The following MDGA2 variants were observed in gnomAD, a reference collection of about 807,000 sequenced individuals.
MDGA2 encodes MAM domain-containing glycosylphosphatidylinositol anchor protein 2.
MDGA2 carries 40 observed loss-of-function variants against 117.8 expected under a neutral mutation model. The observed-to-expected ratio is 0.34, with a 90% confidence interval of 0.26 to 0.44. The LOEUF is 0.44. Ranked by LOEUF, MDGA2 falls within the 20% of genes least tolerant of loss-of-function variation. The pLI, the probability that MDGA2 is intolerant of heterozygous loss-of-function variation, is 1.00. For missense variants in MDGA2, 1,123 were observed against 1,250.6 expected (o/e 0.90, Z 1.54); for synonymous variants, 452 against 439.0 (o/e 1.03, Z -0.37).
intron 8 of MDGA2, among the ~76,000 whole-genome samples, chr14:47,030,445 C>T (rs528434581): frequency 4.6e-5 from 7 of 151,750 alleles, no homozygotes; most frequent in South Asian, 2.1e-4. Flanking sequence ...ACCAGGGAGG[C>T]GGAAGTTGTG....
intron 15 of MDGA2, among the ~76,000 whole-genome samples, chr14:46,850,035 G>T (rs867928898): frequency 3.3e-5 from 5 of 151,978 alleles, no homozygotes; most frequent in African/African-American, 1.2e-4. Flanking sequence ...TAATTGAAAT[G>T]ACAAGTTTAA....
chr14:47,471,867 T>C (rs1893735143), intron 1 of MDGA2, among the ~76,000 whole-genome samples: 2 of 152,262 alleles, frequency 1.3e-5, no homozygotes, highest in South Asian at 4.1e-4. Flanking sequence ...AAATCGTTTA[T>C]ATCACTTTCC....
chr14:47,432,001 C>T (rs1421938287), intron 1 of MDGA2, among the ~76,000 whole-genome samples: 1 of 151,998 alleles, frequency 6.6e-6, no homozygotes, highest in East Asian at 1.9e-4. Flanking sequence ...ATATAGATAG[C>T]ATATTATTTA....
At chr14:47,587,565 T>A (rs1316464136) in intron 1 of MDGA2, among the ~76,000 whole-genome samples, 1 of 151,870 alleles carries the variant, frequency 6.6e-6, no homozygotes, top group Admixed American at 6.6e-5. Context: ...TGTTCCTACT[T>A]AGATATCTCT....
intron 3 of MDGA2, among the ~76,000 whole-genome samples, chr14:47,194,610 G>T (rs1885223543): frequency 6.6e-6 from 1 of 151,990 alleles, no homozygotes; most frequent in African/African-American, 2.4e-5. Context: ...ACAAAATAAA[G>T]CAACCAGCTA....
chr14:46,858,391 A>G (rs1309736791), intron 14 of MDGA2, among the ~76,000 whole-genome samples: 2 of 149,334 alleles, frequency 1.3e-5, no homozygotes, highest in East Asian at 3.9e-4. Flanking sequence ...ACACATTTAT[A>G]ATACTTTTTT....
chr14:46,844,903 A>G (rs1342457356), intron 16 of MDGA2, among the ~76,000 whole-genome samples: 2 of 151,774 alleles, frequency 1.3e-5, no homozygotes, highest in Non-Finnish European at 2.9e-5. Flanking sequence ...TGTTTTTGAG[A>G]CAGACTCTTG....
At chr14:47,094,339 C>A (rs2138964107) in intron 6 of MDGA2, among the ~76,000 whole-genome samples, 1 of 152,054 alleles carries the variant, frequency 6.6e-6, no homozygotes, top group Non-Finnish European at 1.5e-5. Flanking sequence ...TATTTCAGGT[C>A]TTTCATGTCA....
chr14:47,243,442 T>C (rs1887133513), intron 2 of MDGA2, among the ~76,000 whole-genome samples: 1 of 151,606 alleles, frequency 6.6e-6, no homozygotes, highest in Non-Finnish European at 1.5e-5. Flanking sequence ...GTTCTTTCAC[T>C]CTTTGCAATA....
rs778521090 is a variant in MDGA2, at chr14:46,947,128, CT to C, written c.2089+10245del. ...AAACAAGAATTCTTTTTAAAATTATCTTTGTAAGATAAACTTTTAGAATAGG... is the reference window on the plus strand; with the variant it reads ...AAACAAGAATTCTTTTTAAAATTATCTTGTAAGATAAACTTTTAGAATAGG... On this transcript the variant is annotated intron_variant, in intron 9 of 16. Coordinates refer to ENST00000399232, the MANE Select transcript of MDGA2 (RefSeq NM_001113498.3). 4.0e-3 allele frequency among the ~76,000 whole-genome samples: 604 copies of C among 152,012 alleles called. 11 individuals are homozygous for C. Among genetic ancestry groups the C allele is most frequent in the Non-Finnish European group, 1.2e-3 (82 of 67,946 alleles).
intron 1 of MDGA2, among the ~76,000 whole-genome samples, chr14:47,420,157 A>G (rs2138505026): frequency 6.6e-6 from 1 of 152,276 alleles, no homozygotes; most frequent in East Asian, 1.9e-4. Context: ...ATTTTTAGCT[A>G]ATTAAAAAAA....
intron 1 of MDGA2, among the ~76,000 whole-genome samples, chr14:47,457,671 TCC>T (rs1434800736): frequency 3.3e-5 from 5 of 152,158 alleles, no homozygotes; most frequent in Non-Finnish European, 7.4e-5. Context: ...ATTTTCGTTT[TCC>T]TTTTCAGCTA....
chr14:47,468,511 ACT>A (rs1042381787), intron 1 of MDGA2, among the ~76,000 whole-genome samples: 3 of 152,092 alleles, frequency 2.0e-5, no homozygotes, highest in African/African-American at 7.2e-5. Context: ...GTGAATACCA[ACT>A]CTGATTGTGA....
At chr14:47,448,160 A>T (rs934231319) in intron 1 of MDGA2, among the ~76,000 whole-genome samples, 34 of 149,914 alleles carry the variant, frequency 2.3e-4, no homozygotes, top group Middle Eastern at 3.2e-3. Flanking sequence ...ATTTTATTTT[A>T]TTTTTTTTCA....
chr14:47,611,143 T>C (rs192060314), intron 1 of MDGA2, among the ~76,000 whole-genome samples: 16 of 152,112 alleles, frequency 1.1e-4, no homozygotes, highest in East Asian at 3.9e-4. Context: ...GCTGGGATAA[T>C]TGGCAAGTCA....
intron 1 of MDGA2, among the ~76,000 whole-genome samples, chr14:47,561,175 G>GTTTTTTTTTT (rs150826944): frequency 7.2e-5 from 5 of 69,360 alleles, no homozygotes; most frequent in Non-Finnish European, 1.1e-4. Context: ...TTTTTTGTTT[G>GTTTTTTTTTT]TTTGTTTTTT....
intron 10 of MDGA2, among the ~76,000 whole-genome samples, chr14:46,885,957 A>G (rs533916367): frequency 3.9e-5 from 6 of 152,264 alleles, no homozygotes; most frequent in Non-Finnish European, 5.9e-5. Context: ...CAGGACATCA[A>G]ACAAACCTCC....
intron 1 of MDGA2, among the ~76,000 whole-genome samples, chr14:47,581,907 G>A (rs942644803): frequency 8.6e-5 from 13 of 151,996 alleles, no homozygotes; most frequent in African/African-American, 3.1e-4. Context: ...ATTCTGCCCA[G>A]TGCTGCATTC....
At chr14:47,377,598 C>T (rs904467158) in intron 1 of MDGA2, among the ~76,000 whole-genome samples, 5 of 152,006 alleles carry the variant, frequency 3.3e-5, no homozygotes, top group South Asian at 2.1e-4. Context: ...CCCATGCCCA[C>T]GGAGCCTTGC....
Sources: gnomAD v4.1 joint callset for allele counts (sites outside exome capture counted in the v4.1 genomes callset) on GRCh38, gnomAD v4.1.1 for gene constraint, MANE v1.5 for transcripts, NCBI Gene and HGNC (gene_info 2026-07-23, HGNC 2026-07-21) for gene names.